Variants in CSMD1 observed in about 807,000 individuals in gnomAD.
CSMD1 encodes the protein CUB and Sushi multiple domains 1.
A neutral mutation model predicts 417.5 loss-of-function variants in CSMD1; 213 were observed. The ratio of observed to expected loss-of-function variants is 0.51; its 90% confidence interval spans 0.46 to 0.57. CSMD1 has a LOEUF of 0.57. Among genes scored for constraint, CSMD1 ranks in the 20% least tolerant of loss-of-function variants. The probability of loss-of-function intolerance (pLI) is 0.00; values close to 1 mark genes in which losing one functional copy is unlikely to be tolerated. For synonymous variants in CSMD1, 2,862 were observed against 1,736.8 expected, an observed-to-expected ratio of 1.65 and a Z score of -16.11; for missense variants, 6,923 against 4,529.7, an observed-to-expected ratio of 1.53 and a Z score of -15.17.
Position 3,087,204 on chromosome 8 carries a change from T to G in CSMD1, c.7367A>C (p.His2456Pro). 1 of 1,613,998 alleles carries G rather than the reference T, an allele frequency of 6.2e-7. No homozygotes were observed. Among genetic ancestry groups the G allele is most frequent in the Non-Finnish European group, 8.5e-7 (1 of 1,179,900 alleles). ...TCGGTATCCAGGCTTGCAAAAATAA[T>G]GCACTTTGCTTCCAACCGCTCCTGC... ...RTAGAVGSKVHYFCKPGYRMV... is the reference protein window; with the variant it reads ...RTAGAVGSKVPYFCKPGYRMV... Residue 2456 changes from histidine (H) to proline (P), a missense_variant, in exon 49 of 70, where the codon CAT becomes CCT. Transcript: ENST00000635120.
intron 5 of CSMD1, among the ~76,000 whole-genome samples, chr8:3,767,256 A>G (rs1465283542): frequency 6.6e-6 from 1 of 152,198 alleles, no homozygotes; most frequent in African/African-American, 2.4e-5. Context: ...CTCTTTTATG[A>G]AAACCAGCCG....
intron 5 of CSMD1, among the ~76,000 whole-genome samples, chr8:3,836,412 A>G (rs527768693): frequency 6.6e-6 from 1 of 152,218 alleles, no homozygotes; most frequent in African/African-American, 2.4e-5. Flanking sequence ...TAGGTGATGG[A>G]AAATTTCTCC....
At chr8:4,285,936 G>T (rs1041729782) in intron 3 of CSMD1, among the ~76,000 whole-genome samples, 2 of 152,170 alleles carry the variant, frequency 1.3e-5, no homozygotes, top group East Asian at 1.9e-4. Context: ...CTTTTAAGTG[G>T]CTATGATATA....
chr8:4,259,832 T>G (rs914812891), intron 3 of CSMD1, among the ~76,000 whole-genome samples: 2 of 152,214 alleles, frequency 1.3e-5, no homozygotes, highest in African/African-American at 4.8e-5. Context: ...TTACTCATAA[T>G]ATTGTTTTGG....
chr8:4,004,637 T>C (rs1815963293), intron 4 of CSMD1, among the ~76,000 whole-genome samples: 1 of 152,196 alleles, frequency 6.6e-6, no homozygotes, highest in Non-Finnish European at 1.5e-5. Flanking sequence ...ATATTTTAGA[T>C]TTCAATAAAT....
At chr8:4,187,335 C>G (rs925139089) in intron 3 of CSMD1, among the ~76,000 whole-genome samples, 8 of 152,268 alleles carry the variant, frequency 5.3e-5, no homozygotes, top group African/African-American at 1.9e-4. Flanking sequence ...ATGGTTTTAA[C>G]TGACACAGGT....
chr8:4,621,247 C>G (rs985969837), intron 2 of CSMD1, among the ~76,000 whole-genome samples: 1 of 151,960 alleles, frequency 6.6e-6, no homozygotes, highest in Admixed American at 6.6e-5. Context: ...TCATGTACAT[C>G]TTATATACAT....
chr8:4,043,815 A>C (rs1359831298), intron 3 of CSMD1, among the ~76,000 whole-genome samples: 3 of 152,246 alleles, frequency 2.0e-5, no homozygotes, highest in African/African-American at 7.2e-5. Flanking sequence ...ACACGTCTCC[A>C]AATGAGGCAT....
At chr8:4,138,668 T>C (rs183931128) in intron 3 of CSMD1, among the ~76,000 whole-genome samples, 1 of 152,352 alleles carries the variant, frequency 6.6e-6, no homozygotes, top group East Asian at 1.9e-4. Flanking sequence ...GTATTATTTC[T>C]ATTTTTCAAA....
At chr8:4,842,109 A>C (rs1427666009) in intron 1 of CSMD1, among the ~76,000 whole-genome samples, 1 of 152,142 alleles carries the variant, frequency 6.6e-6, no homozygotes, top group Non-Finnish European at 1.5e-5. Context: ...GAGAGATGTA[A>C]AAAGGTGCAA....
chr8:4,127,600 C>A (rs1802843029), intron 3 of CSMD1, among the ~76,000 whole-genome samples: 1 of 152,090 alleles, frequency 6.6e-6, no homozygotes, highest in East Asian at 1.9e-4. Context: ...TACTTTCCCA[C>A]ACCACATACA....
At chr8:4,872,288 C>G (rs751110058) in intron 1 of CSMD1, among the ~76,000 whole-genome samples, 4 of 152,012 alleles carry the variant, frequency 2.6e-5, no homozygotes, top group African/African-American at 7.3e-5. Flanking sequence ...TATGGTTAGG[C>G]TTTGTGTCCC....
intron 10 of CSMD1, among the ~76,000 whole-genome samples, chr8:3,521,286 G>C (rs918875161): frequency 1.3e-5 from 2 of 152,128 alleles, no homozygotes; most frequent in African/African-American, 2.4e-5. Flanking sequence ...TGTGCTCAGA[G>C]CCAAGTTAAT....
intron 10 of CSMD1, among the ~76,000 whole-genome samples, chr8:3,495,446 G>T (rs1585251584): frequency 6.6e-6 from 1 of 152,098 alleles, no homozygotes; most frequent in Non-Finnish European, 1.5e-5. Context: ...TCTCATTAGG[G>T]GTGGAAAAAG....
rs1462707872 is a variant in CSMD1, at chr8:3,796,298, A to G, written c.819-42256T>C. Among the ~76,000 whole-genome samples the G allele has an allele frequency of 1.7e-5, 2 of 114,916 alleles. 1 individual carries two copies. Among genetic ancestry groups the G allele is most frequent in the Non-Finnish European group, 3.4e-5 (2 of 59,002 alleles). 75.4% of individuals were successfully genotyped at this position (114,916 alleles called of 152,430 possible). On this transcript the variant is annotated intron_variant, in intron 5 of 69. Transcript: ENST00000635120. Reference sequence around the variant, plus strand: ...ATATCTATCATGTATAGATATATCTATCATGTATAGATATAGATATCTATC... The same window carrying G: ...ATATCTATCATGTATAGATATATCTGTCATGTATAGATATAGATATCTATC...
intron 11 of CSMD1, among the ~76,000 whole-genome samples, chr8:3,482,812 C>G (rs1388067475): frequency 6.6e-6 from 1 of 152,092 alleles, no homozygotes; most frequent in Non-Finnish European, 1.5e-5. Context: ...AACTAGAAAT[C>G]AGTTATTAAA....
At chr8:3,454,812 G>C (rs1222043894) in intron 12 of CSMD1, among the ~76,000 whole-genome samples, 1 of 152,134 alleles carries the variant, frequency 6.6e-6, no homozygotes, top group African/African-American at 2.4e-5. Context: ...TTCTCGAGGA[G>C]TATCTTTGTG....
intron 10 of CSMD1, among the ~76,000 whole-genome samples, chr8:3,523,328 T>C (rs1211454523): frequency 6.6e-6 from 1 of 152,200 alleles, no homozygotes; most frequent in Non-Finnish European, 1.5e-5. Context: ...ATTATTTTGT[T>C]CTATTGTGGC....
intron 5 of CSMD1, among the ~76,000 whole-genome samples, chr8:3,978,684 C>A (rs781571345): frequency 1.3e-5 from 2 of 152,202 alleles, no homozygotes; most frequent in East Asian, 1.9e-4. Flanking sequence ...CTGCCCAACC[C>A]GGCTCTACTT....
Sources: gnomAD v4.1 joint callset for allele counts (sites outside exome capture counted in the v4.1 genomes callset) on GRCh38, gnomAD v4.1.1 for gene constraint, MANE v1.5 for transcripts, NCBI Gene and HGNC (gene_info 2026-07-23, HGNC 2026-07-21) for gene names.